Variants in BET1 observed in about 807,000 individuals in gnomAD.
The protein encoded by BET1 is Bet1 golgi vesicular membrane trafficking protein.
Under a neutral mutation model 13.9 loss-of-function variants are expected in BET1, and 9 were observed. The ratio of observed to expected loss-of-function variants is 0.65; its 90% CI spans 0.39 to 1.13. The LOEUF (loss-of-function observed/expected upper bound fraction) is 1.13. Among genes scored for constraint, BET1 ranks in the 50% most tolerant of loss-of-function variants. BET1 has a pLI of 0.01. For synonymous variants in BET1, 39 were observed against 47.3 expected, an observed-to-expected ratio of 0.82 and a Z score of 0.72; for missense variants, 127 against 133.6, an observed-to-expected ratio of 0.95 and a Z score of 0.24.
intron 4 of BET1, among the ~76,000 whole-genome samples, chr7:93,985,829 G>T (rs1795519322): frequency 6.6e-6 from 1 of 152,098 alleles, no homozygotes. Context: ...CCCACAATAA[G>T]ACACAATCAT....
intron 5 of BET1, among the ~76,000 whole-genome samples, chr7:93,973,084 T>C (rs2116038607): frequency 6.6e-6 from 1 of 152,062 alleles, no homozygotes; most frequent in South Asian, 2.1e-4. Context: ...TGAGACTTTT[T>C]TCATTTAAGA....
intron 3 of BET1, 187 bp downstream of exon 3, chr7:93,996,078 G>T: frequency 1.8e-6 from 1 of 549,210 alleles, no homozygotes; most frequent in Non-Finnish European, 3.2e-6. Context: ...ACTTACATGC[G>T]TAAGACGAGA....
intron 4 of BET1, among the ~76,000 whole-genome samples, chr7:93,981,277 T>G (rs1213333003): frequency 2.0e-5 from 3 of 152,164 alleles, no homozygotes; most frequent in African/African-American, 7.2e-5. Flanking sequence ...AATCCCTCAG[T>G]CCTCTACAGA....
intron 1 of BET1, 27 bp downstream of exon 1, chr7:94,004,171 A>G: frequency 6.2e-7 from 1 of 1,613,938 alleles, no homozygotes; most frequent in Non-Finnish European, 8.5e-7. Context: ...TAGGGCCCCG[A>G]ACTTCGAACC....
intron 4 of BET1, chr7:93,987,350 C>T (rs1022875342): frequency 6.6e-6 from 1 of 152,146 alleles, no homozygotes; most frequent in African/African-American, 2.4e-5. Context: ...TATGCCTCTA[C>T]AAAACCATTT....
chr7:93,987,088 T>C (rs1402272920), intron 4 of BET1: 2 of 147,744 alleles, frequency 1.4e-5, no homozygotes, highest in African/African-American at 2.5e-5. Flanking sequence ...GAAACAGACA[T>C]AGAAAAAAAA....
chr7:93,977,271 G>A (rs1460996569), intron 4 of BET1, among the ~76,000 whole-genome samples: 7 of 152,020 alleles, frequency 4.6e-5, no homozygotes, highest in Admixed American at 4.6e-4. Context: ...GATCAGCCTG[G>A]CCATCGTGGT....
At chr7:93,979,354 T>C (rs1795390525) in intron 4 of BET1, among the ~76,000 whole-genome samples, 3 of 152,204 alleles carry the variant, frequency 2.0e-5, no homozygotes, top group Admixed American at 6.5e-5. Context: ...GTTTTATACA[T>C]ACTTTTGTAT....
downstream of BET1, among the ~76,000 whole-genome samples, chr7:93,991,144 C>T (rs7809864): frequency 0.026 from 4,026 of 152,144 alleles, 159 homozygotes; most frequent in African/African-American, 0.092. Context: ...TAACCACATG[C>T]CTTTTCCATA....
At chr7:93,971,345 CTGT>C (rs902115694) in intron 6 of BET1, among the ~76,000 whole-genome samples, 24 of 151,722 alleles carry the variant, frequency 1.6e-4, no homozygotes, top group Non-Finnish European at 2.8e-4. Context: ...AATTGACTTA[CTGT>C]TGTTAATGCA....
At chr7:93,985,735 A>T (rs1395978966) in intron 4 of BET1, among the ~76,000 whole-genome samples, 1 of 152,232 alleles carries the variant, frequency 6.6e-6, no homozygotes, top group Non-Finnish European at 1.5e-5. Context: ...GCAATGATCC[A>T]GCTCTTGTGA....
chr7:93,983,561 A>G (rs1322201349), intron 4 of BET1, among the ~76,000 whole-genome samples: 2 of 152,286 alleles, frequency 1.3e-5, no homozygotes, highest in South Asian at 4.1e-4. Context: ...AATTAAGATG[A>G]GCCATGACTC....
Position 93,994,326 on chromosome 7 carries a change from A to C in BET1, c.261T>G (p.Ile87Met), listed in dbSNP as rs1213171823. 3 of 1,613,836 alleles carry C rather than the reference A, an allele frequency of 1.9e-6. No individual in the cohort carries two copies. The highest frequency in any genetic ancestry group is 1.7e-4 in the Middle Eastern group (1 of 6,054). ...GCTTTGTTTGGCTCCCTCTGGATAA[A>C]ATCTTCAGTTTGCCCATAGTTTTAC... ...FLGKTMGKLK[I>M]LSRGSQTKLL... is the part of the protein sequence containing the mutation. Residue 87 changes from isoleucine (I) to methionine (M), a missense_variant, in exon 4 of 4, where the codon ATT becomes ATG. Coordinates refer to ENST00000222547, the MANE Select transcript of BET1 (RefSeq NM_005868.6).
exon 7 of BET1, chr7:93,964,175 G>A (rs1166697061): frequency 6.6e-6 from 1 of 151,978 alleles, no homozygotes; most frequent in Non-Finnish European, 1.5e-5. Context: ...TTTTTACATG[G>A]TTATATTGCA....
chr7:93,983,652 T>C (rs528533321), intron 4 of BET1, among the ~76,000 whole-genome samples: 3 of 152,258 alleles, frequency 2.0e-5, no homozygotes, highest in East Asian at 3.9e-4. Flanking sequence ...TATTAGTGGC[T>C]CCTCATTTCA....
At chr7:93,968,533 T>C (rs1425232429) in intron 6 of BET1, 3 of 151,832 alleles carry the variant, frequency 2.0e-5, no homozygotes, top group Non-Finnish European at 4.4e-5. Flanking sequence ...ATTCAGTACA[T>C]GTTTTGTATG....
chr7:93,975,759 A>T, intron 5 of BET1: 1 of 265,494 alleles, frequency 3.8e-6, no homozygotes, highest in Non-Finnish European at 6.6e-6. Flanking sequence ...TAATGGGTAT[A>T]GGTGGAAAAT....
At chr7:93,989,229 G>T (rs1220607020), downstream of BET1, among the ~76,000 whole-genome samples, 2 of 151,792 alleles carry the variant, frequency 1.3e-5, no homozygotes, top group Non-Finnish European at 2.9e-5. Context: ...GGCCAGACTG[G>T]TCTTGAACTA....
chr7:93,980,865 T>A (rs890907103), intron 4 of BET1, among the ~76,000 whole-genome samples: 3 of 152,062 alleles, frequency 2.0e-5, no homozygotes, highest in African/African-American at 7.2e-5. Flanking sequence ...TATGTTGGAG[T>A]TCTCATTTTA....
Sources: gnomAD v4.1 joint callset for allele counts (sites outside exome capture counted in the v4.1 genomes callset) on GRCh38, gnomAD v4.1.1 for gene constraint, MANE v1.5 for transcripts, NCBI Gene and HGNC (gene_info 2026-07-23, HGNC 2026-07-21) for gene names.